The following CLIC5 variants were observed in gnomAD, a reference collection of about 807,000 sequenced individuals.
The protein encoded by CLIC5 is CLIC family member 5, also known as chloride intracellular channel protein 5.
In CLIC5, 20 loss-of-function variants were observed where a neutral mutation model predicts 24.7. That is an observed-to-expected ratio of 0.81 (90% CI 0.57 to 1.18). The LOEUF (loss-of-function observed/expected upper bound fraction) is 1.18, where lower values mean the gene tolerates loss of function less well. Ranked by LOEUF, CLIC5 falls within the 50% of genes most tolerant of loss-of-function variation. CLIC5 has a pLI of 0.00. For synonymous variants in CLIC5, 159 were observed against 135.6 expected (o/e 1.17, Z -1.20); for missense variants, 341 against 326.1 (o/e 1.05, Z -0.35).
chr6:45,889,817 A>G (rs147825756), intron 6 of CLIC5, among the ~76,000 whole-genome samples: 2,566 of 152,326 alleles, frequency 0.017, 40 homozygotes, highest in Non-Finnish European at 0.03. Context: ...TTTCTTACAC[A>G]TGTTCAAAGA....
chr6:46,096,000 T>C, the CLIC5 span, among the ~76,000 whole-genome samples: 3 of 152,232 alleles, frequency 2.0e-5, no homozygotes, highest in Non-Finnish European at 4.4e-5. Context: ...TTTAATTGAC[T>C]CACTGCTCTA....
At chr6:46,079,678 T>A (rs1192180717) in intron 1 of CLIC5, 1 of 1,535,310 alleles carries the variant, frequency 6.5e-7, no homozygotes, top group Admixed American at 2.0e-5. Flanking sequence ...ATGAACAGGG[T>A]ATGCCTGTCA....
At chr6:46,021,448 A>G (rs1371304391) in intron 1 of CLIC5, among the ~76,000 whole-genome samples, 1 of 152,130 alleles carries the variant, frequency 6.6e-6, no homozygotes, top group African/African-American at 2.4e-5. Flanking sequence ...AGAAATGAAA[A>G]CTTATGTTTA....
intron 1 of CLIC5, among the ~76,000 whole-genome samples, chr6:46,000,646 T>C (rs1459492676): frequency 6.6e-6 from 1 of 152,110 alleles, no homozygotes; most frequent in Admixed American, 6.5e-5. Context: ...ACAATCATGG[T>C]AGAATGCACC....
At chr6:45,951,274 T>C (rs1346681312) in intron 2 of CLIC5, among the ~76,000 whole-genome samples, 1 of 152,140 alleles carries the variant, frequency 6.6e-6, no homozygotes, top group African/African-American at 2.4e-5. Context: ...GAGTCCTAAA[T>C]TATCCTGAAA....
At chr6:45,933,434 A>C (rs1219415199) in intron 4 of CLIC5, among the ~76,000 whole-genome samples, 5 of 152,224 alleles carry the variant, frequency 3.3e-5, no homozygotes, top group Non-Finnish European at 2.9e-5. Flanking sequence ...TTTGTTAGGC[A>C]TCTGATTTTC....
chr6:46,015,798 C>G lies in CLIC5; in HGVS notation c.-256G>C, dbSNP rs1581866181. On this transcript the variant is annotated 5_prime_UTR_variant, in exon 1 of 6. Coordinates refer to ENST00000339561, the MANE Select transcript of CLIC5 (RefSeq NM_016929.5). ...GAAAGCCGGGTTAAGGGAATGACAA[C>G]AGGTCGTGGGAGCAACAAGTGCCGG... 1 of 1,203,684 alleles carries G rather than the reference C, an allele frequency of 8.3e-7. No homozygotes were observed. The highest frequency in any genetic ancestry group is 1.6e-5 in the African/African-American group (1 of 63,642). 74.6% of individuals were successfully genotyped at this position (1,203,684 alleles called of 1,614,324 possible).
intron 1 of CLIC5, among the ~76,000 whole-genome samples, chr6:46,075,156 G>A (rs1304470105): frequency 6.6e-6 from 1 of 152,156 alleles, no homozygotes; most frequent in Non-Finnish European, 1.5e-5. Flanking sequence ...AACCCTATGA[G>A]GAAGGTATCA....
At chr6:45,972,156 G>A (rs1052860742) in intron 1 of CLIC5, among the ~76,000 whole-genome samples, 6 of 152,260 alleles carry the variant, frequency 3.9e-5, no homozygotes, top group Admixed American at 1.3e-4. Context: ...ACTGTATAGC[G>A]CTTGCAATTA....
In CLIC5 at chr6:45,902,209, A is replaced by T. The variant is rs1039996921; in HGVS notation, c.*879T>A. On this transcript the variant is annotated 3_prime_UTR_variant, in exon 6 of 6. Transcript: ENST00000339561. ...TCCTCCCACTCCCATCCACTTTCTC[A>T]TAGCTCAAAAACCACTCATTGGTAA... is the stretch of plus-strand genomic sequence containing the variant. 1 of 152,764 alleles carries T rather than the reference A, an allele frequency of 6.5e-6. No homozygotes were observed. The highest frequency in any genetic ancestry group is 2.4e-5 in the African/African-American group (1 of 41,412). The allele number at this position is 152,764 out of a possible 1,614,324, so 9.5% of individuals were successfully genotyped here.
At chr6:46,060,734 C>T (rs1400820996) in intron 1 of CLIC5, among the ~76,000 whole-genome samples, 1 of 151,064 alleles carries the variant, frequency 6.6e-6, no homozygotes, top group Admixed American at 6.6e-5. Flanking sequence ...CATTTTTTTT[C>T]AGAGCTTAAA....
At chr6:46,058,442 CG>C (rs1768321289) in intron 1 of CLIC5, among the ~76,000 whole-genome samples, 1 of 152,166 alleles carries the variant, frequency 6.6e-6, no homozygotes, top group South Asian at 2.1e-4. Flanking sequence ...AGTTAGTAAA[CG>C]GCAAATTTGA....
chr6:46,083,064 G>A (rs9395151), upstream of CLIC5, among the ~76,000 whole-genome samples: 21,014 of 152,216 alleles, frequency 0.14, 1,881 homozygotes, highest in South Asian at 0.33. Context: ...GGGTACTTAC[G>A]TTTCACGAGA....
rs187881109 is a variant in CLIC5, at chr6:46,062,711, G to C, written c.540+16992C>G. Among the ~76,000 whole-genome samples the C allele has an allele frequency of 5.3e-5, 8 of 152,310 alleles. No individual in the cohort carries two copies. The East Asian group carries it at 1.5e-3, about 29-fold the overall frequency. On this transcript the variant is annotated intron_variant, in intron 1 of 5. Coordinates refer to the CLIC5 transcript ENST00000185206. ...GGAGTGTTACCCATCTAGGAGCAGAGCTGCTGATCAGCGCATTTTCCTAGG... is the reference window on the plus strand; with the variant it reads ...GGAGTGTTACCCATCTAGGAGCAGACCTGCTGATCAGCGCATTTTCCTAGG...
chr6:46,031,525 T>C (rs1767497396), intron 1 of CLIC5, among the ~76,000 whole-genome samples: 1 of 152,156 alleles, frequency 6.6e-6, no homozygotes, highest in South Asian at 2.1e-4. Flanking sequence ...ATAAAAATTG[T>C]GGGTAAGTCT....
the CLIC5 span, among the ~76,000 whole-genome samples, chr6:46,100,693 T>A: frequency 6.6e-6 from 1 of 152,192 alleles, no homozygotes; most frequent in African/African-American, 2.4e-5. Context: ...AGTCATAATG[T>A]AAGAAATTAA....
chr6:45,968,715 T>G (rs551576940), intron 1 of CLIC5, among the ~76,000 whole-genome samples: 6 of 152,338 alleles, frequency 3.9e-5, no homozygotes, highest in African/African-American at 1.4e-4. Context: ...TAGGAATGTT[T>G]TAGCTTTGCC....
At chr6:46,002,489 A>T (rs1375695489) in intron 1 of CLIC5, among the ~76,000 whole-genome samples, 1 of 152,106 alleles carries the variant, frequency 6.6e-6, no homozygotes, top group Non-Finnish European at 1.5e-5. Context: ...ACAATGCACA[A>T]CAGGTACACT....
upstream of CLIC5, among the ~76,000 whole-genome samples, chr6:46,019,703 A>C (rs1197980069): frequency 1.9e-4 from 28 of 148,356 alleles, no homozygotes; most frequent in East Asian, 5.1e-3. Context: ...AAAAAAAAAA[A>C]AAAAAAAAAG....
Sources: allele counts gnomAD v4.1 joint callset (sites outside exome capture counted in the v4.1 genomes callset), GRCh38; gene constraint gnomAD v4.1.1; transcripts MANE v1.5; gene names NCBI Gene and HGNC (gene_info 2026-07-23, HGNC 2026-07-21).